ANK2: variants seen among roughly 807,000 people sequenced by gnomAD.
ANK2 encodes the protein ankyrin 2.
A neutral mutation model predicts 360.5 loss-of-function variants in ANK2; 83 were observed. The observed-to-expected ratio is 0.23, with a 90% CI of 0.19 to 0.28. ANK2 has a LOEUF of 0.28. Ranked by LOEUF, ANK2 falls within the 10% of genes least tolerant of loss-of-function variation. The pLI, the probability that ANK2 is intolerant of heterozygous loss-of-function variation, is 1.00. For missense variants in ANK2, 4,201 were observed against 4,795.7 expected, an observed-to-expected ratio of 0.88 and a Z score of 3.66; for synonymous variants, 1,740 against 1,759.5, an observed-to-expected ratio of 0.99 and a Z score of 0.28.
chr4:113,230,501 C>A (rs902227929), intron 4 of ANK2, among the ~76,000 whole-genome samples: 22 of 151,002 alleles, frequency 1.5e-4, no homozygotes, highest in African/African-American at 5.4e-4. Flanking sequence ...GGTGACAGAG[C>A]GAGACTCCAT....
intron 2 of ANK2, among the ~76,000 whole-genome samples, chr4:112,930,906 A>G (rs946721050): frequency 6.6e-6 from 1 of 151,004 alleles, no homozygotes; most frequent in African/African-American, 2.4e-5. Flanking sequence ...AAAAAAAAAA[A>G]GACTTAAAAT....
At chr4:112,869,616 A>G (rs780590019) in intron 1 of ANK2, among the ~76,000 whole-genome samples, 15 of 152,126 alleles carry the variant, frequency 9.9e-5, no homozygotes, top group Admixed American at 5.9e-4. Context: ...TGACATACAA[A>G]TTTTTAATAT....
chr4:112,992,838 C>A (rs2047277381), intron 2 of ANK2, among the ~76,000 whole-genome samples: 1 of 152,160 alleles, frequency 6.6e-6, no homozygotes, highest in Non-Finnish European at 1.5e-5. Flanking sequence ...TCAGTCCATA[C>A]CAAGCAAAAA....
intron 2 of ANK2, among the ~76,000 whole-genome samples, chr4:113,182,741 GGTGGA>G (rs2098442498): frequency 1.3e-5 from 2 of 152,158 alleles, no homozygotes; most frequent in African/African-American, 4.8e-5. Flanking sequence ...TAGCAATTTT[GGTGGA>G]GTGGAGGGGT....
rs2153634271 is a variant in ANK2 at position 113,258,166 on chromosome 4, C to G, written c.1287+18C>G. On this transcript the variant is annotated intron_variant, in intron 12 of 45. Transcript: ENST00000357077. Reference sequence around the variant, plus strand: ...TAACAGAGGTAGAAAAATGTTTTAGCTAGTCACAAAGCATTCCTTCTCTTA... The same window carrying G: ...TAACAGAGGTAGAAAAATGTTTTAGGTAGTCACAAAGCATTCCTTCTCTTA... 1 of 1,599,348 alleles carries G rather than the reference C, an allele frequency of 6.3e-7. No homozygotes were observed. Among genetic ancestry groups the G allele is most frequent in the East Asian group, 2.2e-5 (1 of 44,800 alleles).
intron 2 of ANK2, among the ~76,000 whole-genome samples, chr4:112,957,431 G>A (rs1030331912): frequency 3.3e-5 from 5 of 152,322 alleles, no homozygotes; most frequent in Middle Eastern, 3.4e-3. Context: ...CACATACACA[G>A]CAACCATCCG....
intron 1 of ANK2, among the ~76,000 whole-genome samples, chr4:112,833,915 A>G (rs987531019): frequency 6.6e-6 from 1 of 152,232 alleles, no homozygotes; most frequent in Non-Finnish European, 1.5e-5. Context: ...CTCAGAGACA[A>G]CTGCTGTTTT....
chr4:113,323,742 T>C, intron 26 of ANK2: 1 of 1,609,842 alleles, frequency 6.2e-7, no homozygotes. Flanking sequence ...TGTGCTAAAG[T>C]ATCTATTCTG....
chr4:113,102,743 G>T (rs1250952921), intron 1 of ANK2, among the ~76,000 whole-genome samples: 1 of 152,094 alleles, frequency 6.6e-6, no homozygotes, highest in Admixed American at 6.6e-5. Context: ...GCAACGTGGA[G>T]GTCACTAGTA....
In ANK2 at chr4:113,289,235, A is replaced by G. The variant is rs1046811361; in HGVS notation, c.2277+749A>G. 3.6e-5 allele frequency among the ~76,000 whole-genome samples: 5 copies of G among 139,976 alleles called. No homozygotes were observed. The Admixed American group carries it at 3.6e-4, about 10-fold the overall frequency. The allele number at this position is 139,976 out of a possible 152,430, so 91.8% of individuals were successfully genotyped here. On this transcript the variant is annotated intron_variant, in intron 20 of 45. Transcript: ENST00000357077. Reference sequence around the variant, plus strand: ...TTTTTCTTTTTTTTTTTTTTTTTTAAGACAGGGTCTTACTCTGTTGCCCAG... The same window carrying G: ...TTTTTCTTTTTTTTTTTTTTTTTTAGGACAGGGTCTTACTCTGTTGCCCAG...
intron 45 of ANK2, 137 bp downstream of exon 45, chr4:113,373,586 C>A: frequency 1.1e-6 from 1 of 931,942 alleles, no homozygotes; most frequent in Non-Finnish European, 1.8e-6. Flanking sequence ...GTTGCACATT[C>A]ACCTTTTTGT....
At chr4:112,832,043 G>A (rs1167026096) in intron 1 of ANK2, among the ~76,000 whole-genome samples, 2 of 152,104 alleles carry the variant, frequency 1.3e-5, no homozygotes, top group Non-Finnish European at 2.9e-5. Flanking sequence ...TGAAGTCAGC[G>A]AGACCAAGAA....
At chr4:113,195,240 G>A (rs2098731024) in intron 2 of ANK2, among the ~76,000 whole-genome samples, 2 of 151,844 alleles carry the variant, frequency 1.3e-5, no homozygotes, top group Admixed American at 6.6e-5. Flanking sequence ...ATTTCAATTC[G>A]GTGGTCAGGA....
Position 113,354,067 on chromosome 4 carries a change from A to G in ANK2, c.5449A>G (p.Arg1817Gly), listed in dbSNP as rs571144477. The change falls in exon 38 of 46, where the codon AGA becomes GGA. Residue 1817 changes from arginine to glycine, a missense_variant. Coordinates refer to ENST00000357077, the MANE Select transcript of ANK2 (RefSeq NM_001148.6). ...PAASPSLKSE[R>G]HAPGSPSPKT... ...TGCGTCACCCTCTCTGAAGTCAGAG[A>G]GACATGCGCCAGGGTCTCCCTCCCC... is the stretch of plus-strand genomic sequence containing the variant. The G allele has an allele frequency of 2.5e-6, 4 of 1,614,092 alleles. No individual in the cohort carries two copies. The South Asian group carries it at 4.4e-5, about 18-fold the overall frequency.
At chr4:113,089,088 C>T (rs1372368938) in intron 1 of ANK2, among the ~76,000 whole-genome samples, 3 of 152,066 alleles carry the variant, frequency 2.0e-5, no homozygotes, top group Non-Finnish European at 4.4e-5. Flanking sequence ...ATGGAAGCTG[C>T]GAGATCTCTT....
intron 26 of ANK2, among the ~76,000 whole-genome samples, chr4:113,322,144 G>A (rs988997808): frequency 6.6e-6 from 1 of 152,156 alleles, no homozygotes; most frequent in Non-Finnish European, 1.5e-5. Flanking sequence ...TACATTAATA[G>A]AAGACACCGT....
At position 113,301,113 on chromosome 4, in the gene ANK2, T is replaced by C. The variant is rs141157013; in HGVS notation, c.2476-1654T>C. On this transcript the variant is annotated intron_variant, in intron 22 of 45. Coordinates refer to ENST00000357077, the MANE Select transcript of ANK2 (RefSeq NM_001148.6). ...ACTAGACAACCTATTTTTTGTACTT[T>C]GGTGGTTTTAGTTGAAGATGTTACT... Among the ~76,000 whole-genome samples, 708 of 152,314 alleles carry C rather than the reference T, an allele frequency of 4.6e-3. 1 individual carries two copies. The highest frequency in any genetic ancestry group is 0.01 in the Middle Eastern group (3 of 294).
intron 1 of ANK2, among the ~76,000 whole-genome samples, chr4:113,092,631 A>G (rs1303785233): frequency 6.6e-6 from 1 of 152,166 alleles, no homozygotes; most frequent in Non-Finnish European, 1.5e-5. Context: ...ATTTCTTGCT[A>G]CTTACTACAT....
intron 9 of ANK2, among the ~76,000 whole-genome samples, chr4:113,242,969 T>C (rs144180941): frequency 2.6e-5 from 4 of 152,298 alleles, no homozygotes; most frequent in African/African-American, 9.6e-5. Context: ...CTTCATAAAG[T>C]TGTGTGAGAA....
Sources: allele counts gnomAD v4.1 joint callset (sites outside exome capture counted in the v4.1 genomes callset), GRCh38; gene constraint gnomAD v4.1.1; transcripts MANE v1.5; gene names NCBI Gene and HGNC (gene_info 2026-07-23, HGNC 2026-07-21).